The following LGSN variants were observed in gnomAD, a reference collection of about 807,000 sequenced individuals.
LGSN encodes lengsin.
A neutral mutation model predicts 19.5 loss-of-function variants in LGSN; 21 were observed. The ratio of observed to expected loss-of-function variants is 1.07; its 90% CI spans 0.76 to 1.55. LGSN has a LOEUF of 1.55. Ranked by LOEUF, LGSN falls within the 40% of genes most tolerant of loss-of-function variation. The pLI, the probability that LGSN is intolerant of heterozygous loss-of-function variation, is 0.00. For synonymous variants in LGSN, 257 were observed against 215.6 expected (o/e 1.19, Z -1.68); for missense variants, 673 against 608.5 (o/e 1.11, Z -1.12).
At chr6:63,484,442 T>C in the LGSN span, among the ~76,000 whole-genome samples, 2 of 151,958 alleles carry the variant, frequency 1.3e-5, no homozygotes, top group Non-Finnish European at 2.9e-5. Flanking sequence ...GAGAATCACT[T>C]GAACCCAGGA....
At chr6:63,403,610 AATACAATT>A in the LGSN span, among the ~76,000 whole-genome samples, 1 of 152,196 alleles carries the variant, frequency 6.6e-6, no homozygotes, top group Non-Finnish European at 1.5e-5. Flanking sequence ...GGGGAAGATC[AATACAATT>A]GATAAAACTC....
At chr6:63,314,291 CATATAGGATACAAGAATATGTACATCT>C (rs1358543987) in intron 1 of LGSN, among the ~76,000 whole-genome samples, 1 of 152,128 alleles carries the variant, frequency 6.6e-6, no homozygotes, top group African/African-American at 2.4e-5. Context: ...TGCTCTCCAC[CATATAGGATACAAGAATATGTACATCT>C]ACCAGCCAGA....
At chr6:63,294,620 C>G (rs1436309137) in intron 2 of LGSN, among the ~76,000 whole-genome samples, 3 of 151,938 alleles carry the variant, frequency 2.0e-5, no homozygotes, top group Non-Finnish European at 4.4e-5. Flanking sequence ...ATTTTCAGAG[C>G]AGAAAACTGT....
At chr6:63,423,853 C>T in the LGSN span, among the ~76,000 whole-genome samples, 3 of 152,166 alleles carry the variant, frequency 2.0e-5, no homozygotes, top group Non-Finnish European at 2.9e-5. Context: ...TCCTGGCCAA[C>T]GTGGTGAAAC....
chr6:63,480,803 G>A, the LGSN span, among the ~76,000 whole-genome samples: 3 of 141,084 alleles, frequency 2.1e-5, no homozygotes, highest in Admixed American at 7.3e-5. Flanking sequence ...TCTACCCAAA[G>A]GAAAAGAAGT....
the LGSN span, among the ~76,000 whole-genome samples, chr6:63,418,005 A>G: frequency 3.3e-5 from 5 of 152,230 alleles, no homozygotes; most frequent in Non-Finnish European, 5.9e-5. Flanking sequence ...ACCATATTTA[A>G]CTATATGGAG....
At chr6:63,480,873 A>C in the LGSN span, among the ~76,000 whole-genome samples, 2 of 149,708 alleles carry the variant, frequency 1.3e-5, no homozygotes, top group Non-Finnish European at 3.0e-5. Flanking sequence ...ACATAATTAC[A>C]ATTCACAGCT....
At chr6:63,368,977 G>A in the LGSN span, among the ~76,000 whole-genome samples, 58 of 152,236 alleles carry the variant, frequency 3.8e-4, no homozygotes, top group African/African-American at 1.3e-3. Flanking sequence ...TTACAGTTGC[G>A]GGAAATCCAG....
At chr6:63,513,501 TC>T in the LGSN span, among the ~76,000 whole-genome samples, 2 of 152,176 alleles carry the variant, frequency 1.3e-5, no homozygotes, top group African/African-American at 4.8e-5. Context: ...GAATTAATTC[TC>T]TGGCCACTTC....
intron 2 of LGSN, among the ~76,000 whole-genome samples, chr6:63,288,082 G>T (rs956870650): frequency 6.6e-6 from 1 of 151,662 alleles, no homozygotes; most frequent in African/African-American, 2.4e-5. Context: ...GCCAGGCATG[G>T]TGGCATTCAC....
At chr6:63,571,448 G>A in the LGSN span, 4 of 152,174 alleles carry the variant, frequency 2.6e-5, no homozygotes, top group Admixed American at 1.3e-4. Context: ...ATAAATAACA[G>A]AGGTGCCCTT....
the LGSN span, among the ~76,000 whole-genome samples, chr6:63,402,943 C>T: frequency 1.3e-5 from 2 of 152,132 alleles, no homozygotes; most frequent in African/African-American, 4.8e-5. Flanking sequence ...TTCCAAACTG[C>T]CTTCAGAATC....
chr6:63,502,504 A>T, the LGSN span, among the ~76,000 whole-genome samples: 1 of 152,216 alleles, frequency 6.6e-6, no homozygotes, highest in Admixed American at 6.5e-5. Context: ...CACCACCAAA[A>T]AAGTGCATTA....
the LGSN span, among the ~76,000 whole-genome samples, chr6:63,566,825 T>C: frequency 6.6e-6 from 1 of 152,212 alleles, no homozygotes. Flanking sequence ...AGAACTCCTT[T>C]CAAAGTTGCA....
the LGSN span, among the ~76,000 whole-genome samples, chr6:63,537,691 A>G: frequency 3.9e-5 from 6 of 152,264 alleles, no homozygotes; most frequent in Non-Finnish European, 8.8e-5. Flanking sequence ...GTCAAGGTTG[A>G]TTAATTCCAC....
the LGSN span, among the ~76,000 whole-genome samples, chr6:63,532,759 G>T: frequency 2.0e-5 from 3 of 151,962 alleles, no homozygotes; most frequent in Non-Finnish European, 4.4e-5. Flanking sequence ...AAACACATGA[G>T]CATGTTCAAT....
chr6:63,489,206 A>T, the LGSN span, among the ~76,000 whole-genome samples: 2 of 152,214 alleles, frequency 1.3e-5, no homozygotes, highest in Non-Finnish European at 2.9e-5. Context: ...TTTTTGCTGT[A>T]CGAAATTAGC....
the LGSN span, among the ~76,000 whole-genome samples, chr6:63,491,313 C>A: frequency 6.6e-6 from 1 of 152,116 alleles, no homozygotes; most frequent in Admixed American, 6.5e-5. Flanking sequence ...TCCAAAAATG[C>A]CAAAATTGGC....
At chr6:63,294,788 G>A (rs1767911095) in intron 2 of LGSN, 125 bp downstream of exon 2, 2 of 902,446 alleles carry the variant, frequency 2.2e-6, no homozygotes, top group East Asian at 2.4e-5. Flanking sequence ...CACTTATGTA[G>A]GAATAACTTT....
Sources: gnomAD v4.1 joint callset for allele counts (sites outside exome capture counted in the v4.1 genomes callset) on GRCh38, gnomAD v4.1.1 for gene constraint, MANE v1.5 for transcripts, NCBI Gene and HGNC (gene_info 2026-07-23, HGNC 2026-07-21) for gene names.